CAMTA1: variants seen among roughly 807,000 people sequenced by gnomAD.
The protein encoded by CAMTA1 is calmodulin-binding transcription activator 1.
CAMTA1 carries 27 observed loss-of-function variants against 170.9 expected under a neutral mutation model. That is an observed-to-expected ratio of 0.16 (90% confidence interval 0.12 to 0.22). CAMTA1 has a LOEUF of 0.22. Among genes scored for constraint, CAMTA1 ranks in the 10% least tolerant of loss-of-function variants. The pLI is 1.00. For synonymous variants in CAMTA1, 833 were observed against 891.5 expected (o/e 0.93, Z 1.17); for missense variants, 1,619 against 2,217.2 (o/e 0.73, Z 5.42).
intron 1 of CAMTA1, among the ~76,000 whole-genome samples, chr1:6,793,625 C>G (rs1046402916): frequency 6.6e-5 from 10 of 152,128 alleles, no homozygotes; most frequent in Admixed American, 1.3e-4. Flanking sequence ...TTCACTTAAT[C>G]TCTTTTACAG....
chr1:7,249,358 G>A lies in CAMTA1; in HGVS notation c.303-133G>A. 1 of 944,514 alleles carries A rather than the reference G, an allele frequency of 1.1e-6. No individual in the cohort carries two copies. Among genetic ancestry groups the A allele is most frequent in the Non-Finnish European group, 1.6e-6 (1 of 638,364 alleles). The allele number at this position is 944,514 out of a possible 1,614,324, so 58.5% of individuals were successfully genotyped here. ...GTTAATCCAGGGAGATGCAATAAAA[G>A]GTGAAAAATTATGTTCCAGCAAATG... is the stretch of plus-strand genomic sequence containing the variant. On this transcript the variant is annotated intron_variant, in intron 4 of 22. Transcript: ENST00000303635. This position sits in a 1 kb window ranked among gnomAD's most constrained non-coding sequence, Gnocchi z 4.4.
chr1:7,100,424 C>T (rs1642578279), intron 4 of CAMTA1, among the ~76,000 whole-genome samples: 1 of 152,224 alleles, frequency 6.6e-6, no homozygotes, highest in African/African-American at 2.4e-5. Flanking sequence ...GTGGGACCCA[C>T]TCCCCTTGTT....
intron 6 of CAMTA1, among the ~76,000 whole-genome samples, chr1:7,611,450 C>T (rs565927483): frequency 6.7e-4 from 102 of 152,274 alleles, no homozygotes; most frequent in African/African-American, 2.4e-3. Context: ...CAGGAGGAGG[C>T]CAGGTTAGAG....
In CAMTA1 at chr1:7,482,354, G is replaced by A. The variant is rs1433620784; in HGVS notation, c.510+14453G>A. On this transcript the variant is annotated intron_variant, in intron 6 of 22. Coordinates refer to ENST00000303635, the MANE Select transcript of CAMTA1 (RefSeq NM_015215.4). This position sits in a 1 kb window ranked among gnomAD's most constrained non-coding sequence, Gnocchi z 4.2. ...CCAGCACCGGGCTTCCTGAGGGCAG[G>A]GCCAGGTCACTACTTCCTGGGGTTT... Among the ~76,000 whole-genome samples, 2 of 152,088 alleles carry A rather than the reference G, an allele frequency of 1.3e-5. No individual in the cohort carries two copies. The highest frequency in any genetic ancestry group is 2.9e-5 in the Non-Finnish European group (2 of 68,024).
chr1:6,912,942 A>G (rs907861443), intron 3 of CAMTA1, among the ~76,000 whole-genome samples: 1 of 152,208 alleles, frequency 6.6e-6, no homozygotes, highest in Non-Finnish European at 1.5e-5. Context: ...AACCCAGCCC[A>G]GGCCCTGTGA....
Position 7,547,379 on chromosome 1 carries a change from CACACA to C in CAMTA1, c.510+79479_510+79483del, listed in dbSNP as rs2094710583. Among the ~76,000 whole-genome samples, 1 of 151,416 alleles carries C rather than the reference CACACA, an allele frequency of 6.6e-6. No homozygotes were observed. Among genetic ancestry groups the C allele is most frequent in the Non-Finnish European group, 1.5e-5 (1 of 67,968 alleles). On this transcript the variant is annotated intron_variant, in intron 6 of 22. Coordinates refer to ENST00000303635, the MANE Select transcript of CAMTA1 (RefSeq NM_015215.4). This position sits in a 1 kb window ranked among gnomAD's most constrained non-coding sequence, Gnocchi z 5.7. ...ACACACACACACACACACACACACA[CACACA>C]CACACAGAGTTGGCCTTCCACATTC...
rs193271450 is a variant in CAMTA1 at position 7,251,932 on chromosome 1, C to G, written c.438+2306C>G. Among the ~76,000 whole-genome samples, 6 of 152,242 alleles carry G rather than the reference C, an allele frequency of 3.9e-5. No individual in the cohort carries two copies. Among genetic ancestry groups the G allele is most frequent in the African/African-American group, 1.2e-4 (5 of 41,556 alleles). ...TATTGTTTGCAGTTTACCTTTTCCA[C>G]TCTGCATTGTGGTCTGAGCTGTGTC... is the stretch of plus-strand genomic sequence containing the variant. On this transcript the variant is annotated intron_variant, in intron 5 of 22. Coordinates refer to ENST00000303635, the MANE Select transcript of CAMTA1 (RefSeq NM_015215.4). The surrounding 1 kb of genome is among the most constrained non-coding windows in gnomAD (Gnocchi z 5.1).
chr1:7,167,804 A>C (rs1648785511), intron 4 of CAMTA1, among the ~76,000 whole-genome samples: 1 of 152,142 alleles, frequency 6.6e-6, no homozygotes, highest in Admixed American at 6.5e-5. Flanking sequence ...TCTGGAATGC[A>C]GTGGGGTAAT....
At chr1:7,147,865 C>T (rs1646315697) in intron 4 of CAMTA1, among the ~76,000 whole-genome samples, 1 of 148,894 alleles carries the variant, frequency 6.7e-6, no homozygotes, top group Non-Finnish European at 1.5e-5. Flanking sequence ...CACTCATACA[C>T]CATGCACACA....
In CAMTA1 at chr1:6,818,999, CA is replaced by C. The variant is rs571100077; in HGVS notation, c.46-1181del. Among the ~76,000 whole-genome samples, 682 of 152,066 alleles carry C rather than the reference CA, an allele frequency of 4.5e-3. 8 individuals carry two copies. The highest frequency in any genetic ancestry group is 0.016 in the African/African-American group (666 of 41,490). ...CCTTGTTCTGTTGCCCAGGCTGGAG[CA>C]GGAGTGTAGTGGTGTTATCATGGTT... On this transcript the variant is annotated intron_variant, in intron 1 of 22. Transcript: ENST00000303635.
intron 11 of CAMTA1, among the ~76,000 whole-genome samples, chr1:7,704,451 G>A (rs947891426): frequency 2.2e-4 from 32 of 145,732 alleles, no homozygotes; most frequent in African/African-American, 6.9e-4. Flanking sequence ...ACCGCGTCGC[G>A]AGGGACCGGG....
intron 5 of CAMTA1, among the ~76,000 whole-genome samples, chr1:7,307,250 T>C (rs1192781761): frequency 2.0e-5 from 3 of 152,206 alleles, no homozygotes; most frequent in East Asian, 1.9e-4. Context: ...CACTAATTCA[T>C]TGCTAGTATA....
chr1:7,363,931 TAG>T (rs1265639244), intron 5 of CAMTA1, among the ~76,000 whole-genome samples: 1 of 152,156 alleles, frequency 6.6e-6, no homozygotes, highest in Non-Finnish European at 1.5e-5. Flanking sequence ...AGATGCCTGA[TAG>T]AGAGTCACAG....
At position 7,670,902 on chromosome 1, in the gene CAMTA1, T is replaced by C; in HGVS notation, c.2653-9T>C. On this transcript the variant is annotated splice_polypyrimidine_tract_variant and intron_variant, in intron 9 of 22. Coordinates refer to ENST00000303635, the MANE Select transcript of CAMTA1 (RefSeq NM_015215.4). ...ACTCCAACTCTGTTCCCCTCTCTGT[T>C]CTCTGCAGGGAGGAGTGAAGGTCCT... 1 of 1,613,404 alleles carries C rather than the reference T, an allele frequency of 6.2e-7. No individual in the cohort carries two copies. The highest frequency in any genetic ancestry group is 8.5e-7 in the Non-Finnish European group (1 of 1,179,786).
Position 7,050,505 on chromosome 1 carries a change from G to A in CAMTA1, c.235-40799G>A, listed in dbSNP as rs1166149777. On this transcript the variant is annotated intron_variant, in intron 3 of 22. Coordinates refer to ENST00000303635, the MANE Select transcript of CAMTA1 (RefSeq NM_015215.4). This position sits in a 1 kb window ranked among gnomAD's most constrained non-coding sequence, Gnocchi z 4.8. ...AGGCCTTGGCTGCATCAAACACATC[G>A]CGGGGGTGTGGAGTCTAGGGCTGAA... 2.0e-5 allele frequency among the ~76,000 whole-genome samples: 3 copies of A among 152,132 alleles called. No homozygotes were observed. Among genetic ancestry groups the A allele is most frequent in the Admixed American group, 1.3e-4 (2 of 15,278 alleles).
chr1:7,631,362 G>A (rs1391808531), intron 6 of CAMTA1, among the ~76,000 whole-genome samples: 1 of 152,168 alleles, frequency 6.6e-6, no homozygotes, highest in Non-Finnish European at 1.5e-5. Context: ...CTGGGGCAGT[G>A]GTCTGGAGGT....
At chr1:7,061,928 A>AT (rs1232178962) in intron 3 of CAMTA1, among the ~76,000 whole-genome samples, 1 of 151,904 alleles carries the variant, frequency 6.6e-6, no homozygotes, top group Non-Finnish European at 1.5e-5. Flanking sequence ...ATTAAATTTT[A>AT]TTTTTTTGAG....
intron 20 of CAMTA1, among the ~76,000 whole-genome samples, chr1:7,751,834 T>C (rs938098340): frequency 1.3e-5 from 2 of 152,194 alleles, no homozygotes; most frequent in African/African-American, 4.8e-5. Context: ...TGAAAACTAT[T>C]CTTGGAGTTA....
At chr1:6,907,692 G>GT (rs1678838078) in intron 3 of CAMTA1, among the ~76,000 whole-genome samples, 1 of 152,148 alleles carries the variant, frequency 6.6e-6, no homozygotes, top group Non-Finnish European at 1.5e-5. Context: ...TGCCCAGGGC[G>GT]TAAGGACGAC....
Sources: allele counts gnomAD v4.1 joint callset (sites outside exome capture counted in the v4.1 genomes callset), GRCh38; gene constraint gnomAD v4.1.1; non-coding constraint Gnocchi (gnomAD v3.1); transcripts MANE v1.5; gene names NCBI Gene and HGNC (gene_info 2026-07-23, HGNC 2026-07-21).